Variants in ANKRD26 observed in about 807,000 individuals in gnomAD.
ANKRD26 encodes the protein ankyrin repeat domain-containing protein 26.
ANKRD26 carries 141 observed loss-of-function variants against 208.7 expected under a neutral mutation model. The observed-to-expected ratio is 0.68, with a 90% CI of 0.59 to 0.78. The LOEUF (loss-of-function observed/expected upper bound fraction) is 0.78, where lower values mean the gene tolerates loss of function less well. Among genes scored for constraint, ANKRD26 ranks in the 30% least tolerant of loss-of-function variants. The pLI, the probability that ANKRD26 is intolerant of heterozygous loss-of-function variation, is 0.00. For missense variants in ANKRD26, 1,889 were observed against 1,938.7 expected (o/e 0.97, Z 0.48); for synonymous variants, 636 against 660.4 (o/e 0.96, Z 0.57).
chr10:27,029,620 T>C (rs1332153424), intron 25 of ANKRD26, among the ~76,000 whole-genome samples: 1 of 152,224 alleles, frequency 6.6e-6, no homozygotes, highest in Non-Finnish European at 1.5e-5. Flanking sequence ...CATATTACTC[T>C]TGTTTTCAAA....
At chr10:27,099,087 T>C (rs912924884) in intron 1 of ANKRD26, among the ~76,000 whole-genome samples, 122 of 152,172 alleles carry the variant, frequency 8.0e-4, no homozygotes, top group Non-Finnish European at 1.4e-3. Context: ...GCCTCCCAGG[T>C]TCAAGCGATT....
At chr10:26,989,091 T>C (rs575443804), downstream of ANKRD26, among the ~76,000 whole-genome samples, 1 of 151,694 alleles carries the variant, frequency 6.6e-6, no homozygotes, top group South Asian at 2.1e-4. Flanking sequence ...TCGGGCAAGA[T>C]ATTTTTTTTT....
intron 15 of ANKRD26, among the ~76,000 whole-genome samples, chr10:27,057,031 G>A (rs1370773232): frequency 2.0e-5 from 3 of 152,152 alleles, no homozygotes; most frequent in African/African-American, 7.2e-5. Flanking sequence ...GATACAGATA[G>A]ATATTTATCA....
chr10:27,014,105 T>C (rs1348003980), intron 31 of ANKRD26, among the ~76,000 whole-genome samples: 1 of 152,164 alleles, frequency 6.6e-6, no homozygotes, highest in Non-Finnish European at 1.5e-5. Flanking sequence ...TAGTGATACT[T>C]GACCCTTCTG....
chr10:27,100,005 G>C (rs1042147665), intron 1 of ANKRD26, 80 bp downstream of exon 1: 12 of 1,601,358 alleles, frequency 7.5e-6, no homozygotes, highest in Non-Finnish European at 9.3e-6. Flanking sequence ...TCCAGGCCCT[G>C]GGTGGCTCCC....
chr10:27,077,482 A>C lies in ANKRD26; in HGVS notation c.933T>G (p.Asp311Glu). The change falls in exon 9 of 34, where the codon GAT (aspartate) becomes GAG (glutamate). Residue 311 changes from aspartate (D) to glutamate (E), a missense_variant. This residue lies in a region of ANKRD26 where 1,272 missense variants were observed against 1,273.8 expected (regional missense o/e 1.00). Coordinates refer to ENST00000376087, the MANE Select transcript of ANKRD26 (RefSeq NM_014915.3). ...TGNRTLFEDR[D>E]SDSQDEVVVE... ...CCACAACTTCATCTTGACTATCGGA[A>C]TCTCTATCCTCAAACAAAGTTCTAT... 6.2e-7 allele frequency: 1 copy of C among 1,613,962 alleles called. No individual in the cohort carries two copies.
chr10:27,005,380 G>T lies in ANKRD26; in HGVS notation c.*210C>A, dbSNP rs2052836176. The T allele has an allele frequency of 2.3e-6, 3 of 1,289,250 alleles. No individual in the cohort carries two copies. Among genetic ancestry groups the T allele is most frequent in the African/African-American group, 1.5e-5 (1 of 66,034 alleles). The allele number at this position is 1,289,250 out of a possible 1,614,324, so 79.9% of individuals were successfully genotyped here. A position where few individuals can be genotyped will look rare whatever the true frequency, so the allele number is the denominator to read the frequency against. The stretch of plus-strand genomic sequence containing the variant: ...AACAGCTCACATTTGGGCAGTTTGA[G>T]TATGTAAAACTCAATATTCCTGGTT... On this transcript the variant is annotated 3_prime_UTR_variant, in exon 34 of 34. Coordinates refer to ENST00000376087, the MANE Select transcript of ANKRD26 (RefSeq NM_014915.3).
chr10:27,060,224 A>G lies in ANKRD26; in HGVS notation c.1564+121T>C. ...TCTCAATTAAAAAAAAATTTTTTTA[A>G]ATCCTTCCAACAAATTTGGAGAAAA... is the stretch of plus-strand genomic sequence containing the variant. On this transcript the variant is annotated intron_variant, in intron 15 of 33. Transcript: ENST00000376087. The G allele has an allele frequency of 9.7e-6, 10 of 1,030,566 alleles. No homozygotes were observed. In the South Asian group the frequency reaches 1.4e-4, roughly 15 times the overall value. The allele number at this position is 1,030,566 out of a possible 1,614,324, so 63.8% of individuals were successfully genotyped here.
At chr10:27,031,102 G>C (rs2053851281) in intron 25 of ANKRD26, among the ~76,000 whole-genome samples, 1 of 152,220 alleles carries the variant, frequency 6.6e-6, no homozygotes, top group African/African-American at 2.4e-5. Flanking sequence ...TGCCAGGTCT[G>C]AATGAATGAG....
chr10:27,072,025 A>G (rs370170666), intron 9 of ANKRD26, among the ~76,000 whole-genome samples: 76 of 152,326 alleles, frequency 5.0e-4, no homozygotes, highest in Middle Eastern at 3.4e-3. Context: ...GAGAGCTGCC[A>G]TATCATCTTG....
rs1412976743 is a variant in ANKRD26 at position 27,084,890 on chromosome 10, A to AT, written c.709+1648dup. Among the ~76,000 whole-genome samples the AT allele has an allele frequency of 2.7e-5, 4 of 148,038 alleles. No individual in the cohort carries two copies. In the East Asian group the frequency reaches 7.8e-4, roughly 29 times the overall value. On this transcript the variant is annotated intron_variant, in intron 5 of 33. Transcript: ENST00000376087. ...TCCATTTCAAAAAAAAAAAAAAAAA[A>AT]TTTCTGTACTTACTTTTTTTTTCCT... is the stretch of plus-strand genomic sequence containing the variant.
At chr10:26,977,493 C>A (rs2052244696) in intron 5 of ANKRD26, among the ~76,000 whole-genome samples, 1 of 152,116 alleles carries the variant, frequency 6.6e-6, no homozygotes, top group African/African-American at 2.4e-5. Context: ...TTCTTCAGAG[C>A]ATAATGATAT....
At chr10:27,010,288 T>C (rs1240896100) in intron 32 of ANKRD26, among the ~76,000 whole-genome samples, 1 of 152,168 alleles carries the variant, frequency 6.6e-6, no homozygotes, top group Admixed American at 6.5e-5. Context: ...TTTTTCAGCT[T>C]ATCTAGAAAT....
At chr10:27,049,199 C>A (rs2054563749) in intron 16 of ANKRD26, among the ~76,000 whole-genome samples, 1 of 152,138 alleles carries the variant, frequency 6.6e-6, no homozygotes, top group Non-Finnish European at 1.5e-5. Flanking sequence ...AAGTCTGCTT[C>A]ATTTCTGTTT....
Position 26,981,635 on chromosome 10 carries a change from A to G in ANKRD26, c.*18-796T>C, listed in dbSNP as rs534341406. On this transcript the variant is annotated intron_variant and NMD_transcript_variant, in intron 4 of 5. Coordinates refer to the ANKRD26 transcript ENST00000674670. ...ACTAAATATTTGAATGATTTACCAT[A>G]AGTATTTTGCATATACCCAGCGGGA... Among the ~76,000 whole-genome samples, 3 of 152,346 alleles carry G rather than the reference A, an allele frequency of 2.0e-5. No individual in the cohort carries two copies. The South Asian group carries it at 6.2e-4, about 32-fold the overall frequency.
intron 6 of ANKRD26, among the ~76,000 whole-genome samples, chr10:27,081,912 A>ATTTT (rs2055923411): frequency 6.6e-6 from 1 of 152,072 alleles, no homozygotes; most frequent in Non-Finnish European, 1.5e-5. Flanking sequence ...AATTCTTTGT[A>ATTTT]TTTTTAGTAG....
chr10:27,030,389 T>C (rs1306460016), intron 25 of ANKRD26: 1 of 985,280 alleles, frequency 1.0e-6, no homozygotes, highest in Non-Finnish European at 1.2e-6. Context: ...AATACATAAC[T>C]TACATGGCCA....
the ANKRD26 span, among the ~76,000 whole-genome samples, chr10:26,951,286 T>C: frequency 6.6e-6 from 1 of 152,156 alleles, no homozygotes; most frequent in Non-Finnish European, 1.5e-5. Context: ...GTTTGTACTT[T>C]GTGTAATCAC....
chr10:27,016,872 T>C (rs900061040), intron 30 of ANKRD26, among the ~76,000 whole-genome samples: 1 of 50,486 alleles, frequency 2.0e-5, no homozygotes, highest in Non-Finnish European at 3.7e-5. Flanking sequence ...ATTTTAAATA[T>C]GTGAAAAAAA....
Sources: allele counts gnomAD v4.1 joint callset (sites outside exome capture counted in the v4.1 genomes callset), GRCh38; gene constraint gnomAD v4.1.1; regional missense constraint gnomAD v4.1.1; transcripts MANE v1.5; gene names NCBI Gene and HGNC (gene_info 2026-07-23, HGNC 2026-07-21).